Variants in PARD3B observed in about 807,000 individuals in gnomAD.
PARD3B encodes the protein par-3 family cell polarity regulator beta, also known as partitioning defective 3 homolog B.
In PARD3B, 103 loss-of-function variants were observed where a neutral mutation model predicts 130.2. The observed-to-expected ratio is 0.79, with a 90% confidence interval of 0.67 to 0.93. PARD3B has a LOEUF of 0.93. PARD3B is among the 40% of genes least tolerant of loss of function. The probability of loss-of-function intolerance (pLI) is 0.00; values close to 1 mark genes in which losing one functional copy is unlikely to be tolerated. For missense variants in PARD3B, 1,609 were observed against 1,499.2 expected, an observed-to-expected ratio of 1.07 and a Z score of -1.21; for synonymous variants, 583 against 553.2, an observed-to-expected ratio of 1.05 and a Z score of -0.76.
At chr2:205,523,985 A>G (rs768644522) in intron 21 of PARD3B, among the ~76,000 whole-genome samples, 3 of 152,062 alleles carry the variant, frequency 2.0e-5, no homozygotes, top group Middle Eastern at 6.8e-3. Context: ...TTTTACCTCA[A>G]TGACTTGACT....
In PARD3B at chr2:205,499,951, T is replaced by C. The variant is rs754656264; in HGVS notation, c.3100T>C (p.Tyr1034His). ...TATCCAGAAGTTGCGGAAAGAGTAT[T>C]ATCAGGCTCGGAGGGAAGGTTTCCC... ...DRIQKLRKEY[Y>H]QARREGFPLY... The change falls in exon 21 of 23, where the codon TAT becomes CAT. Residue 1034 changes from tyrosine to histidine, a missense_variant. By Grantham distance (83) the Tyr-to-His change is moderately conservative (BLOSUM62 2). Coordinates refer to ENST00000406610, the MANE Select transcript of PARD3B (RefSeq NM_001302769.2). The C allele has an allele frequency of 1.9e-6, 3 of 1,613,860 alleles. No individual in the cohort carries two copies. Among genetic ancestry groups the C allele is most frequent in the South Asian group, 1.1e-5 (1 of 91,058 alleles).
At position 205,099,519 on chromosome 2, in the gene PARD3B, T is replaced by G. The variant is rs16836935; in HGVS notation, c.505-4907T>G. Among the ~76,000 whole-genome samples the G allele has an allele frequency of 4.3e-3, 655 of 152,348 alleles. 7 individuals carry two copies. Among genetic ancestry groups the G allele is most frequent in the African/African-American group, 0.015 (629 of 41,588 alleles). ...ATGTGCAATTTCATGACTCTTCATT[T>G]TACCATGTAATTTAGTGAAGGAAAA... On this transcript the variant is annotated intron_variant, in intron 4 of 22. Transcript: ENST00000406610.
At chr2:205,087,906 G>A (rs369094999) in intron 4 of PARD3B, among the ~76,000 whole-genome samples, 2 of 152,080 alleles carry the variant, frequency 1.3e-5, no homozygotes, top group African/African-American at 4.8e-5. Flanking sequence ...GTGTTGATCG[G>A]AAGTCATACC....
intron 15 of PARD3B, among the ~76,000 whole-genome samples, chr2:205,194,941 G>A (rs561386803): frequency 1.8e-4 from 25 of 139,332 alleles, no homozygotes; most frequent in Non-Finnish European, 3.4e-4. Flanking sequence ...CTGCCACCAC[G>A]CCAGGCTAAT....
intron 18 of PARD3B, among the ~76,000 whole-genome samples, chr2:205,387,449 T>C (rs1302018638): frequency 6.6e-6 from 1 of 152,176 alleles, no homozygotes; most frequent in African/African-American, 2.4e-5. Context: ...ACTGAGATAA[T>C]GGGTGGATTT....
intron 2 of PARD3B, among the ~76,000 whole-genome samples, chr2:204,927,020 A>C (rs1687670705): frequency 6.6e-6 from 1 of 151,816 alleles, no homozygotes; most frequent in Non-Finnish European, 1.5e-5. Flanking sequence ...GAATTATGAT[A>C]CCCCCCCAAA....
chr2:204,956,856 G>T (rs528579925), intron 2 of PARD3B, among the ~76,000 whole-genome samples: 195 of 152,250 alleles, frequency 1.3e-3, no homozygotes, highest in African/African-American at 4.5e-3. Flanking sequence ...GTGTTATTCT[G>T]TGATGCTTGA....
chr2:204,760,484 A>G (rs2040852633), intron 2 of PARD3B, among the ~76,000 whole-genome samples: 1 of 152,040 alleles, frequency 6.6e-6, no homozygotes, highest in South Asian at 2.1e-4. Flanking sequence ...ATTGTGATTA[A>G]AAAATCATGA....
At chr2:205,498,642 A>C (rs1056555435) in intron 20 of PARD3B, among the ~76,000 whole-genome samples, 10 of 152,230 alleles carry the variant, frequency 6.6e-5, no homozygotes, top group African/African-American at 2.2e-4. Flanking sequence ...CCAGTGCTTA[A>C]CCAAAGTGAT....
At chr2:205,060,668 T>C (rs1205108312) in intron 4 of PARD3B, among the ~76,000 whole-genome samples, 2 of 152,238 alleles carry the variant, frequency 1.3e-5, no homozygotes, top group Middle Eastern at 3.4e-3. Flanking sequence ...TATATGTTAA[T>C]AATAGTGATA....
chr2:205,429,069 A>T (rs573280841), intron 19 of PARD3B, among the ~76,000 whole-genome samples: 80 of 152,352 alleles, frequency 5.3e-4, no homozygotes, highest in African/African-American at 1.6e-3. Context: ...CATACAATGC[A>T]GTCTCTTGAC....
In PARD3B at chr2:205,453,797, T is replaced by C. The variant is rs2048182591; in HGVS notation, c.3044+13125T>C. On this transcript the variant is annotated intron_variant, in intron 20 of 22. Transcript: ENST00000406610. ...ATATACTGTAAGTAATTAAGCATTG[T>C]TTTGTATTTTTGTTGCAGTTGTACA... is the stretch of plus-strand genomic sequence containing the variant. 2.0e-5 allele frequency among the ~76,000 whole-genome samples: 3 copies of C among 152,296 alleles called. No individual in the cohort carries two copies. The South Asian group carries it at 6.2e-4, about 32-fold the overall frequency.
At chr2:205,581,720 TATAA>T (rs1294388325) in intron 22 of PARD3B, among the ~76,000 whole-genome samples, 1 of 151,970 alleles carries the variant, frequency 6.6e-6, no homozygotes, top group Non-Finnish European at 1.5e-5. Context: ...ACATGTACCC[TATAA>T]ATAGATACAT....
At chr2:205,202,208 A>T (rs756323468) in intron 15 of PARD3B, among the ~76,000 whole-genome samples, 4 of 152,244 alleles carry the variant, frequency 2.6e-5, no homozygotes, top group Non-Finnish European at 5.9e-5. Flanking sequence ...GAAATGTAGA[A>T]ATATAGATCA....
At chr2:205,335,846 G>C (rs1265976308) in intron 18 of PARD3B, among the ~76,000 whole-genome samples, 1 of 152,082 alleles carries the variant, frequency 6.6e-6, no homozygotes, top group Non-Finnish European at 1.5e-5. Context: ...GCACAGGTAA[G>C]ACCCGCACAG....
chr2:204,992,294 A>C (rs879600664), intron 3 of PARD3B, among the ~76,000 whole-genome samples: 3,067 of 141,544 alleles, frequency 0.022, 70 homozygotes, highest in East Asian at 0.046. Flanking sequence ...CTTTCTACAT[A>C]TGGCTAGCCA....
chr2:204,656,972 G>T (rs1574630874), intron 1 of PARD3B, among the ~76,000 whole-genome samples: 1 of 152,112 alleles, frequency 6.6e-6, no homozygotes, highest in Non-Finnish European at 1.5e-5. Context: ...GTAAGATCAT[G>T]ATGTCTCTGG....
intron 18 of PARD3B, among the ~76,000 whole-genome samples, chr2:205,354,104 A>T (rs1263100798): frequency 7.0e-6 from 1 of 143,072 alleles, no homozygotes; most frequent in Non-Finnish European, 1.5e-5. Context: ...AGTGACATGA[A>T]CGTGGCTCAC....
chr2:204,861,542 C>T (rs1464998014), intron 2 of PARD3B, among the ~76,000 whole-genome samples: 2 of 152,182 alleles, frequency 1.3e-5, no homozygotes, highest in East Asian at 1.9e-4. Flanking sequence ...GAAAATGCTA[C>T]TGAATTGAGA....
Sources: gnomAD v4.1 joint callset for allele counts (sites outside exome capture counted in the v4.1 genomes callset) on GRCh38, gnomAD v4.1.1 for gene constraint, MANE v1.5 for transcripts, NCBI Gene and HGNC (gene_info 2026-07-23, HGNC 2026-07-21) for gene names.